The following CA1 variants were observed in gnomAD, a reference collection of about 807,000 sequenced individuals.
CA1 encodes carbonate dehydratase I.
In CA1, 27 loss-of-function variants were observed where a neutral mutation model predicts 28.8. That is an observed-to-expected ratio of 0.94 (90% confidence interval 0.69 to 1.29). The LOEUF is 1.29. Ranked by LOEUF, CA1 falls within the 50% of genes most tolerant of loss-of-function variation. The probability of loss-of-function intolerance (pLI) is 0.00; values close to 1 mark genes in which losing one functional copy is unlikely to be tolerated. For missense variants in CA1, 335 were observed against 310.5 expected, an observed-to-expected ratio of 1.08 and a Z score of -0.59; for synonymous variants, 121 against 108.8, an observed-to-expected ratio of 1.11 and a Z score of -0.70.
At chr8:85,351,755 C>T (rs1809420894) in intron 1 of CA1, 3 of 152,198 alleles carry the variant, frequency 2.0e-5, no homozygotes, top group Non-Finnish European at 4.4e-5. Flanking sequence ...ACTTGAAAAT[C>T]CAGTTCTTTT....
chr8:85,376,407 A>G (rs997474223), intron 1 of CA1, among the ~76,000 whole-genome samples: 4 of 152,004 alleles, frequency 2.6e-5, no homozygotes, highest in African/African-American at 7.2e-5. Context: ...CACACCTATA[A>G]TCCCAGCACT....
chr8:85,359,587 G>A (rs1007873014), intron 1 of CA1, among the ~76,000 whole-genome samples: 1 of 152,196 alleles, frequency 6.6e-6, no homozygotes, highest in East Asian at 1.9e-4. Context: ...ACTGAACCTC[G>A]AATGAAAAGG....
chr8:85,356,864 C>G (rs551258444), intron 1 of CA1, among the ~76,000 whole-genome samples: 1 of 152,160 alleles, frequency 6.6e-6, no homozygotes, highest in South Asian at 2.1e-4. Flanking sequence ...TTTCCTCAAC[C>G]CTTAAAAACT....
chr8:85,343,715 G>A (rs1809018852), intron 1 of CA1, among the ~76,000 whole-genome samples: 2 of 152,090 alleles, frequency 1.3e-5, no homozygotes, highest in African/African-American at 4.8e-5. Context: ...CATATGGAAT[G>A]GCAATTTATT....
intron 4 of CA1, among the ~76,000 whole-genome samples, chr8:85,336,305 T>G (rs1197280227): frequency 6.6e-6 from 1 of 152,222 alleles, no homozygotes; most frequent in Non-Finnish European, 1.5e-5. Flanking sequence ...ATATAATTCA[T>G]ACACCTAAAA....
intron 1 of CA1, among the ~76,000 whole-genome samples, chr8:85,367,064 A>G (rs191541750): frequency 6.6e-6 from 1 of 152,160 alleles, no homozygotes; most frequent in Admixed American, 6.5e-5. Context: ...ATTTTGAGAT[A>G]TTAATCTGAA....
At chr8:85,332,277 A>G (rs1284843567) in intron 6 of CA1, 9 of 521,000 alleles carry the variant, frequency 1.7e-5, no homozygotes, top group Non-Finnish European at 3.1e-5. Flanking sequence ...GCTGAAATAA[A>G]TAAACCATAA....
chr8:85,341,736 G>A (rs557418569), intron 1 of CA1, 77 bp from the exon 2 acceptor site: 98 of 808,058 alleles, frequency 1.2e-4, no homozygotes, highest in Middle Eastern at 4.5e-4. Flanking sequence ...CTGCTTGGGC[G>A]TTTTTATAGA....
At position 85,333,558 on chromosome 8, in the gene CA1, A is replaced by G. The variant is rs772028298; in HGVS notation, c.417T>C (p.Ala139=). The G allele has an allele frequency of 6.8e-6, 11 of 1,612,824 alleles. No homozygotes were observed. The South Asian group carries it at 9.9e-5, about 14-fold the overall frequency. The stretch of plus-strand genomic sequence containing the variant: ...AAACACCAATAACTGCCAAACCATC[A>G]GCCTTTGAGGCAGCTTCAGCAAGGC... The part of the protein sequence containing the change: ...YSSLAEAASK[A]DGLAVIGVLM... The change falls in exon 5 of 8, where the codon GCT becomes GCC. Residue 139 remains alanine, a synonymous_variant. Coordinates refer to ENST00000523022, the MANE Select transcript of CA1 (RefSeq NM_001128831.4).
rs143743423 is a variant in CA1, at chr8:85,362,532, G to A, written c.-25+15514C>T. On this transcript the variant is annotated intron_variant, in intron 1 of 7. Transcript: ENST00000523022. ...AATAAAAGATGATTTTTGGCCCTGG[G>A]TGTAATTGAATTGGCATATTTTGAG... Among the ~76,000 whole-genome samples the A allele has an allele frequency of 8.0e-3, 1,222 of 152,242 alleles. 16 individuals are homozygous for A. Among genetic ancestry groups the A allele is most frequent in the African/African-American group, 0.028 (1,146 of 41,530 alleles).
chr8:85,335,835 G>T lies in CA1; in HGVS notation c.354+1110C>A, dbSNP rs575221965. On this transcript the variant is annotated intron_variant, in intron 4 of 7. Coordinates refer to ENST00000523022, the MANE Select transcript of CA1 (RefSeq NM_001128831.4). ...TTAACAGATTTCTGCAGCATTGAAA[G>T]GTGTTAGTCATGCTTTACAACACAA... Among the ~76,000 whole-genome samples, 116 of 152,210 alleles carry T rather than the reference G, an allele frequency of 7.6e-4. 1 individual carries two copies. Among genetic ancestry groups the T allele is most frequent in the Non-Finnish European group, 9.3e-4 (63 of 68,018 alleles).
At chr8:85,373,485 G>A in intron 1 of CA1, 1 of 152,074 alleles carries the variant, frequency 6.6e-6, no homozygotes, top group East Asian at 1.9e-4. Context: ...ACAGTACAAT[G>A]CAATATTTTG....
chr8:85,334,758 C>A, intron 4 of CA1, among the ~76,000 whole-genome samples: 1 of 151,962 alleles, frequency 6.6e-6, no homozygotes, highest in East Asian at 1.9e-4. Flanking sequence ...TTTGGGAGGC[C>A]GAGGCGGGCG....
At chr8:85,351,438 A>G (rs1402912450) in intron 1 of CA1, among the ~76,000 whole-genome samples, 2 of 152,240 alleles carry the variant, frequency 1.3e-5, no homozygotes, top group Non-Finnish European at 2.9e-5. Context: ...CAGAAAAGAA[A>G]AATAGGGTGT....
At chr8:85,354,470 G>A (rs138970917) in intron 1 of CA1, among the ~76,000 whole-genome samples, 12 of 152,112 alleles carry the variant, frequency 7.9e-5, no homozygotes, top group African/African-American at 2.9e-4. Context: ...AAATCTTGTT[G>A]GGATGATCTG....
chr8:85,363,202 T>A (rs1809867580), intron 1 of CA1, among the ~76,000 whole-genome samples: 1 of 152,196 alleles, frequency 6.6e-6, no homozygotes, highest in South Asian at 2.1e-4. Context: ...TTCCAGTTCT[T>A]TAAGAGTTAA....
chr8:85,357,244 A>G (rs1042476450), intron 1 of CA1, among the ~76,000 whole-genome samples: 1 of 152,154 alleles, frequency 6.6e-6, no homozygotes, highest in Non-Finnish European at 1.5e-5. Flanking sequence ...GAGATAAGAG[A>G]CAGTGGAGCT....
intron 4 of CA1, among the ~76,000 whole-genome samples, 197 bp downstream of exon 4, chr8:85,336,748 G>A (rs201280456): frequency 1.3e-5 from 2 of 152,108 alleles, no homozygotes; most frequent in East Asian, 3.9e-4. Context: ...GAGTTTAGCT[G>A]CCTCTTTCCA....
intron 1 of CA1, among the ~76,000 whole-genome samples, chr8:85,363,160 C>T (rs959365618): frequency 2.0e-5 from 3 of 152,172 alleles, no homozygotes; most frequent in Non-Finnish European, 4.4e-5. Context: ...CTTTTGGCAA[C>T]CTCTTGTTGC....
Sources: allele counts gnomAD v4.1 joint callset (sites outside exome capture counted in the v4.1 genomes callset), GRCh38; gene constraint gnomAD v4.1.1; transcripts MANE v1.5; gene names NCBI Gene and HGNC (gene_info 2026-07-23, HGNC 2026-07-21).